The following SDK1 variants were observed in gnomAD, a reference collection of about 807,000 sequenced individuals.
SDK1 encodes the protein protein sidekick-1.
SDK1 carries 157 observed loss-of-function variants against 245.5 expected under a neutral mutation model. That is an observed-to-expected ratio of 0.64 (90% confidence interval 0.56 to 0.73). The LOEUF (loss-of-function observed/expected upper bound fraction) is 0.73. Among genes scored for constraint, SDK1 ranks in the 30% least tolerant of loss-of-function variants. The pLI is 0.00. For synonymous variants in SDK1, 1,647 were observed against 1,278.5 expected (o/e 1.29, Z -6.15); for missense variants, 3,583 against 3,002.3 (o/e 1.19, Z -4.52).
intron 1 of SDK1, among the ~76,000 whole-genome samples, chr7:3,391,199 ATTTG>A (rs35587747): frequency 0.05 from 7,671 of 152,234 alleles, 520 homozygotes; most frequent in African/African-American, 0.15. Flanking sequence ...GTCTTCTGCA[ATTTG>A]TTTGTTTTCT....
intron 22 of SDK1, among the ~76,000 whole-genome samples, chr7:4,107,951 C>CTG (rs1783053472): frequency 6.6e-6 from 1 of 152,218 alleles, no homozygotes; most frequent in African/African-American, 2.4e-5. Flanking sequence ...TTCAGCGTAA[C>CTG]ATAGGCTGGA....
chr7:3,830,455 C>T (rs1779885773), intron 5 of SDK1, among the ~76,000 whole-genome samples: 1 of 152,006 alleles, frequency 6.6e-6, no homozygotes, highest in Non-Finnish European at 1.5e-5. Context: ...TTAATTTTAG[C>T]AGTTTGGGGG....
intron 4 of SDK1, among the ~76,000 whole-genome samples, chr7:3,737,535 T>C (rs1356125832): frequency 2.0e-5 from 3 of 152,202 alleles, no homozygotes; most frequent in Admixed American, 6.5e-5. Flanking sequence ...GCAGAGCTGG[T>C]GACTGCCCTC....
intron 5 of SDK1, among the ~76,000 whole-genome samples, chr7:3,869,683 T>C (rs1562502800): frequency 1.3e-5 from 2 of 152,208 alleles, no homozygotes; most frequent in Non-Finnish European, 2.9e-5. Flanking sequence ...ACAGTGTTTT[T>C]AACTTTTGAA....
intron 4 of SDK1, among the ~76,000 whole-genome samples, chr7:3,734,622 T>A (rs1368403018): frequency 6.6e-6 from 1 of 152,176 alleles, no homozygotes; most frequent in Non-Finnish European, 1.5e-5. Flanking sequence ...CTTCCCAAAC[T>A]CCGTCAAATG....
rs992774427 is a variant in SDK1 at position 3,303,790 on chromosome 7, A to C, written c.298+1906A>C. Among the ~76,000 whole-genome samples the C allele has an allele frequency of 4.6e-5, 7 of 152,310 alleles. No individual in the cohort carries two copies. In the South Asian group the frequency reaches 6.2e-4, roughly 14 times the overall value. On this transcript the variant is annotated intron_variant, in intron 1 of 44. Transcript: ENST00000404826. ...GTATTGAAAATTCATATTACAGAGG[A>C]GATGTCACCATTTGACAAAAGCTCA...
At chr7:3,828,571 A>G (rs763076239) in intron 5 of SDK1, among the ~76,000 whole-genome samples, 15 of 151,626 alleles carry the variant, frequency 9.9e-5, no homozygotes, top group Non-Finnish European at 2.9e-5. Flanking sequence ...CAATAACTCA[A>G]TCCAAGAGAA....
At chr7:3,822,225 A>T (rs1779663771) in intron 5 of SDK1, among the ~76,000 whole-genome samples, 1 of 152,234 alleles carries the variant, frequency 6.6e-6, no homozygotes, top group African/African-American at 2.4e-5. Context: ...AGGAACTCTG[A>T]ACTAATCTAG....
At chr7:4,137,402 A>C (rs1435002170) in intron 28 of SDK1, among the ~76,000 whole-genome samples, 1 of 152,188 alleles carries the variant, frequency 6.6e-6, no homozygotes, top group African/African-American at 2.4e-5. Context: ...GATGCCTACA[A>C]GGCTTCCAGT....
chr7:3,439,944 A>G (rs1780147240), intron 1 of SDK1, among the ~76,000 whole-genome samples: 2 of 150,068 alleles, frequency 1.3e-5, no homozygotes, highest in South Asian at 2.1e-4. Context: ...CTTTTTTTTT[A>G]AGTTATAGCT....
chr7:4,101,829 A>G (rs1422843264), intron 22 of SDK1, among the ~76,000 whole-genome samples: 1 of 152,096 alleles, frequency 6.6e-6, no homozygotes, highest in Non-Finnish European at 1.5e-5. Flanking sequence ...GAAGGAAGCC[A>G]TGCAAGAGAG....
At chr7:4,229,927 C>T (rs1384994149) in intron 40 of SDK1, among the ~76,000 whole-genome samples, 1 of 151,428 alleles carries the variant, frequency 6.6e-6, no homozygotes, top group Non-Finnish European at 1.5e-5. Context: ...CTGAGAAAGC[C>T]CATGGGATAC....
chr7:3,334,724 T>C (rs1780155527), intron 1 of SDK1, among the ~76,000 whole-genome samples: 1 of 152,220 alleles, frequency 6.6e-6, no homozygotes, highest in South Asian at 2.1e-4. Context: ...TCAGTCCTTA[T>C]TCTGTTCTTG....
intron 13 of SDK1, among the ~76,000 whole-genome samples, chr7:3,984,249 C>T (rs989240838): frequency 7.9e-5 from 12 of 151,994 alleles, no homozygotes; most frequent in African/African-American, 2.9e-4. Flanking sequence ...GAGAGCTGAC[C>T]CCTGGAGGAC....
intron 19 of SDK1, among the ~76,000 whole-genome samples, chr7:4,056,968 C>G (rs1320616357): frequency 1.3e-5 from 2 of 152,180 alleles, no homozygotes; most frequent in East Asian, 3.9e-4. Flanking sequence ...GCTGCTGCCA[C>G]CAGAGGCAAA....
intron 5 of SDK1, among the ~76,000 whole-genome samples, chr7:3,906,872 C>T (rs1030563358): frequency 1.3e-4 from 20 of 151,992 alleles, no homozygotes; most frequent in African/African-American, 4.6e-4. Flanking sequence ...TCAGGCAATC[C>T]GCCCACCTCG....
rs1440708774 is a variant in SDK1, at chr7:4,221,457, G to T, written c.5827+93G>T. 4 of 1,447,238 alleles carry T rather than the reference G, an allele frequency of 2.8e-6. No homozygotes were observed. In the African/African-American group the frequency reaches 5.6e-5, roughly 20 times the overall value. The allele number at this position is 1,447,238 out of a possible 1,614,324, so 89.6% of individuals were successfully genotyped here. A position where few individuals can be genotyped will look rare whatever the true frequency, so the allele number is the denominator to read the frequency against. On this transcript the variant is annotated intron_variant, in intron 40 of 44. Coordinates refer to ENST00000404826, the MANE Select transcript of SDK1 (RefSeq NM_152744.4). ...GGGGCTTCCATCACTTTCTCTTTCA[G>T]CATTTTCCCCCCACAAAGCTGGGAC... is the stretch of plus-strand genomic sequence containing the variant.
At chr7:3,623,245 CTTTTTT>C (rs1183056855) in intron 2 of SDK1, among the ~76,000 whole-genome samples, 13 of 117,964 alleles carry the variant, frequency 1.1e-4, no homozygotes, top group Admixed American at 7.4e-4. Context: ...TGTTGTATTT[CTTTTTT>C]TTTTTTTTTT....
rs117006184 is a variant in SDK1 at position 3,735,225 on chromosome 7, A to G, written c.714-86225A>G. Among the ~76,000 whole-genome samples the G allele has an allele frequency of 2.4e-4, 36 of 152,306 alleles. No individual in the cohort carries two copies. The Middle Eastern group carries it at 0.01, about 43-fold the overall frequency. On this transcript the variant is annotated intron_variant, in intron 4 of 44. Transcript: ENST00000404826. Reference sequence around the variant, plus strand: ...TCCTAACCATTTTATATATAATTCAATAGTGTTAAGTATGTTCCCATTGTT... The same window carrying G: ...TCCTAACCATTTTATATATAATTCAGTAGTGTTAAGTATGTTCCCATTGTT...
Sources: gnomAD v4.1 joint callset for allele counts (sites outside exome capture counted in the v4.1 genomes callset) on GRCh38, gnomAD v4.1.1 for gene constraint, MANE v1.5 for transcripts, NCBI Gene and HGNC (gene_info 2026-07-23, HGNC 2026-07-21) for gene names.